The following MBNL1 variants were observed in gnomAD, a reference collection of about 807,000 sequenced individuals.
MBNL1 encodes the protein muscleblind like splicing regulator 1.
Under a neutral mutation model 42.2 loss-of-function variants are expected in MBNL1, and 8 were observed. The observed-to-expected ratio is 0.19, with a 90% CI of 0.11 to 0.34. MBNL1 has a LOEUF of 0.34. Among genes scored for constraint, MBNL1 ranks in the 10% least tolerant of loss-of-function variants. The pLI is 1.00. For synonymous variants in MBNL1, 169 were observed against 173.9 expected (o/e 0.97, Z 0.22); for missense variants, 309 against 495.3 (o/e 0.62, Z 3.57).
intron 2 of MBNL1, among the ~76,000 whole-genome samples, chr3:152,383,330 T>C (rs901980152): frequency 1.3e-5 from 2 of 152,052 alleles, no homozygotes; most frequent in Non-Finnish European, 2.9e-5. Context: ...AGCCCTGAAA[T>C]GTTATGTAAT....
intron 8 of MBNL1, chr3:152,458,147 C>T: frequency 6.2e-7 from 1 of 1,613,934 alleles, no homozygotes; most frequent in East Asian, 2.2e-5. Flanking sequence ...CTTGATGCTT[C>T]TACACTGTTG....
intron 1 of MBNL1, among the ~76,000 whole-genome samples, chr3:152,296,632 C>T (rs2058627066): frequency 6.6e-6 from 1 of 151,630 alleles, no homozygotes; most frequent in Admixed American, 6.6e-5. Context: ...GTGAAAGGGC[C>T]TATGTGACCC....
intron 2 of MBNL1, among the ~76,000 whole-genome samples, chr3:152,303,724 A>G (rs535355676): frequency 4.6e-5 from 7 of 152,046 alleles, no homozygotes; most frequent in Non-Finnish European, 8.8e-5. Context: ...AGTTATTTAT[A>G]CCCTCAAAAA....
chr3:152,403,710 CT>C lies in MBNL1; in HGVS notation c.175-11223del, dbSNP rs1009744289. Among the ~76,000 whole-genome samples, 5 of 151,752 alleles carry C rather than the reference CT, an allele frequency of 3.3e-5. No individual in the cohort carries two copies. In the East Asian group the frequency reaches 7.7e-4, roughly 23 times the overall value. On this transcript the variant is annotated intron_variant, in intron 2 of 9. Transcript: ENST00000324210. ...TCAGATAACCTGTGTTGTGATACTG[CT>C]TTTTTTTGCCTCAAGAGATTTTCTT... is the stretch of plus-strand genomic sequence containing the variant.
chr3:152,432,809 G>A lies in MBNL1; in HGVS notation c.438G>A (p.Pro146=), dbSNP rs761935079. The A allele has an allele frequency of 1.2e-5, 20 of 1,614,006 alleles. No homozygotes were observed. Among genetic ancestry groups the A allele is most frequent in the Non-Finnish European group, 1.6e-5 (19 of 1,180,022 alleles). Residue 146 remains proline (P), a synonymous_variant, in exon 4 of 10, where the codon CCG becomes CCA. Transcript: ENST00000324210. Reference sequence around the variant, plus strand: ...GACCTGTTTCTCCAAGCCTGGTCCCGGCAGAGATCTTGCCGACTGCACCAA... The same window carrying A: ...GACCTGTTTCTCCAAGCCTGGTCCCAGCAGAGATCTTGCCGACTGCACCAA... ...YLGPVSPSLV[P]AEILPTAPML...
At chr3:152,394,927 C>T (rs1179661658) in intron 2 of MBNL1, among the ~76,000 whole-genome samples, 1 of 152,160 alleles carries the variant, frequency 6.6e-6, no homozygotes, top group African/African-American at 2.4e-5. Context: ...GGAGCGATCT[C>T]GGCTCACTGC....
At chr3:152,449,926 G>A (rs1012253123) in intron 6 of MBNL1, among the ~76,000 whole-genome samples, 25 of 151,824 alleles carry the variant, frequency 1.6e-4, no homozygotes, top group African/African-American at 5.3e-4. Flanking sequence ...CCAACATGGC[G>A]AAACCCCATC....
chr3:152,337,817 C>A lies in MBNL1; in HGVS notation c.174+37450C>A, dbSNP rs1194403469. 2.0e-5 allele frequency among the ~76,000 whole-genome samples: 3 copies of A among 152,054 alleles called. No homozygotes were observed. The East Asian group carries it at 5.8e-4, about 29-fold the overall frequency. ...TTCCGTCTGCCTCATCTGATCATAA[C>A]AGAAAGTGATAAGTTTGATAAAATG... On this transcript the variant is annotated intron_variant, in intron 2 of 9. Coordinates refer to ENST00000324210, the MANE Select transcript of MBNL1 (RefSeq NM_021038.5).
In MBNL1 at chr3:152,330,028, T is replaced by TTCA. The variant is rs1466149318; in HGVS notation, c.174+29663_174+29665dup. ...CAAGATAGTAAACATTGTGTGTATG[T>TTCA]TCATGTGTGTGTATGTGTGTTTATT... On this transcript the variant is annotated intron_variant, in intron 2 of 9. Transcript: ENST00000324210. Among the ~76,000 whole-genome samples, 8 of 152,198 alleles carry TTCA rather than the reference T, an allele frequency of 5.3e-5. No homozygotes were observed. The East Asian group carries it at 1.5e-3, about 29-fold the overall frequency.
intron 2 of MBNL1, among the ~76,000 whole-genome samples, chr3:152,380,968 AAC>A (rs1334814076): frequency 2.0e-5 from 3 of 152,084 alleles, no homozygotes; most frequent in African/African-American, 2.4e-5. Flanking sequence ...ATATTTGAGA[AAC>A]ACACAGTTAA....
At chr3:152,302,984 TAGC>T (rs990846904) in intron 2 of MBNL1, among the ~76,000 whole-genome samples, 3 of 150,698 alleles carry the variant, frequency 2.0e-5, no homozygotes, top group Non-Finnish European at 4.4e-5. Flanking sequence ...CTTACGTTAA[TAGC>T]AGACTTCTAG....
Position 152,409,275 on chromosome 3 carries a change from T to A in MBNL1, c.175-5666T>A, listed in dbSNP as rs527481503. Among the ~76,000 whole-genome samples the A allele has an allele frequency of 3.9e-5, 6 of 152,282 alleles. No homozygotes were observed. The South Asian group carries it at 1.2e-3, about 32-fold the overall frequency. ...TCTAACACTAGATACTTGTAATTTT[T>A]AAATAAATATTTTATATACGTGTAT... On this transcript the variant is annotated intron_variant, in intron 2 of 9. Transcript: ENST00000324210.
rs1188626634 is a variant in MBNL1, at chr3:152,461,183, C to A, written c.*19-1202C>A. The stretch of plus-strand genomic sequence containing the variant: ...AGCAAAGCTGGACAAAGTCAAAGCC[C>A]ATGCAGGAGAACAGGCAGAATTCAA... On this transcript the variant is annotated intron_variant, in intron 9 of 9. Coordinates refer to ENST00000324210, the MANE Select transcript of MBNL1 (RefSeq NM_021038.5). Among the ~76,000 whole-genome samples the A allele has an allele frequency of 2.0e-5, 3 of 152,142 alleles. No homozygotes were observed. In the East Asian group the frequency reaches 5.8e-4, roughly 29 times the overall value.
intron 4 of MBNL1, among the ~76,000 whole-genome samples, chr3:152,434,174 G>A (rs13071167): frequency 0.11 from 16,222 of 152,112 alleles, 1,112 homozygotes; most frequent in Middle Eastern, 0.18. Context: ...ATACCCAATA[G>A]GTACTTTTTC....
intron 3 of MBNL1, among the ~76,000 whole-genome samples, chr3:152,428,266 G>A (rs1473237311): frequency 2.0e-5 from 3 of 152,288 alleles, no homozygotes; most frequent in Admixed American, 1.3e-4. Flanking sequence ...TAGAAGATCT[G>A]TATAGATGCT....
chr3:152,378,493 G>A (rs2097021541), intron 2 of MBNL1, among the ~76,000 whole-genome samples: 2 of 151,822 alleles, frequency 1.3e-5, no homozygotes, highest in South Asian at 4.1e-4. Context: ...TATTTATTTA[G>A]GTAGGTAATA....
At chr3:152,317,309 ATTAT>A (rs1235135719) in intron 2 of MBNL1, among the ~76,000 whole-genome samples, 6 of 152,116 alleles carry the variant, frequency 3.9e-5, no homozygotes, top group Non-Finnish European at 7.4e-5. Context: ...AGAATTTCAA[ATTAT>A]TTATTCCTTT....
intron 2 of MBNL1, among the ~76,000 whole-genome samples, chr3:152,334,351 G>C (rs2087793632): frequency 6.6e-6 from 1 of 152,112 alleles, no homozygotes; most frequent in East Asian, 1.9e-4. Context: ...TATATCTATA[G>C]GATTTTAGCT....
rs1187462323 is a variant in MBNL1, at chr3:152,269,096, A to C, written c.-790+4A>C. ...CTCTGAAAAAAAAATGTGAGAGGTA[A>C]GTTTCCATTTTCACAGTTTCCCCGC... On this transcript the variant is annotated splice_donor_region_variant and intron_variant, in intron 1 of 9. Coordinates refer to ENST00000324210, the MANE Select transcript of MBNL1 (RefSeq NM_021038.5). 1 of 453,876 alleles carries C rather than the reference A, an allele frequency of 2.2e-6. No individual in the cohort carries two copies. Among genetic ancestry groups the C allele is most frequent in the African/African-American group, 2.0e-5 (1 of 49,818 alleles). The allele number at this position is 453,876 out of a possible 1,614,324, so 28.1% of individuals were successfully genotyped here. A position where few individuals can be genotyped will look rare whatever the true frequency, so the allele number is the denominator to read the frequency against.
Sources: gnomAD v4.1 joint callset for allele counts (sites outside exome capture counted in the v4.1 genomes callset) on GRCh38, gnomAD v4.1.1 for gene constraint, MANE v1.5 for transcripts, NCBI Gene and HGNC (gene_info 2026-07-23, HGNC 2026-07-21) for gene names.